EDA: variants seen among roughly 807,000 people sequenced by gnomAD.
The protein encoded by EDA is ectodysplasin A, also known as ectodysplasin-A.
A neutral mutation model predicts 23.6 loss-of-function variants in EDA; 2 were observed. That is an observed-to-expected ratio of 0.08 (90% CI 0.03 to 0.27). The LOEUF is 0.27. Among genes scored for constraint, EDA ranks in the 10% least tolerant of loss-of-function variants. EDA has a pLI of 1.00. For missense variants in EDA, 229 were observed against 324.2 expected (o/e 0.71, Z 2.26); for synonymous variants, 131 against 132.0 (o/e 0.99, Z 0.05).
intron 1 of EDA, among the ~76,000 whole-genome samples, chrX:69,675,304 C>T (rs185847956): frequency 3.7e-4 from 42 of 112,090 alleles, no homozygotes; most frequent in Non-Finnish European, 7.5e-4. Context: ...TAGTAACTCC[C>T]AAATTATTAT....
chrX:69,761,540 T>C (rs987749006), intron 1 of EDA, among the ~76,000 whole-genome samples: 4 of 112,053 alleles, frequency 3.6e-5, no homozygotes, highest in African/African-American at 1.3e-4. Context: ...TCCCCCACTG[T>C]ATTACACTGC....
intron 1 of EDA, among the ~76,000 whole-genome samples, chrX:69,638,944 C>G (rs1443537354): frequency 9.1e-6 from 1 of 109,712 alleles, no homozygotes; most frequent in Non-Finnish European, 1.9e-5. Flanking sequence ...CTCCCCTCCC[C>G]CCAGCCCCTA....
Position 69,663,349 on chromosome X carries a change from T to C in EDA, c.396+46645T>C, listed in dbSNP as rs1161171714. 3.6e-5 allele frequency among the ~76,000 whole-genome samples: 4 copies of C among 112,294 alleles called. No individual in the cohort carries two copies. The East Asian group carries it at 1.1e-3, about 32-fold the overall frequency. ...TGTCCTGTGTCCCAGCTGCTTCAGC[T>C]GTGGCTAAAAGGGGCCAAGGTACAA... On this transcript the variant is annotated intron_variant, in intron 1 of 7. Coordinates refer to ENST00000374552, the MANE Select transcript of EDA (RefSeq NM_001399.5).
At chrX:69,658,703 A>G (rs1381553498) in intron 1 of EDA, among the ~76,000 whole-genome samples, 1 of 111,470 alleles carries the variant, frequency 9.0e-6, no homozygotes, top group South Asian at 3.8e-4. Flanking sequence ...TTCTGATTCT[A>G]TCTCTCCCTC....
At position 70,036,132 on chromosome X, in the gene EDA, C is replaced by G. The variant is rs1021005862; in HGVS notation, c.*523C>G. On this transcript the variant is annotated 3_prime_UTR_variant, in exon 8 of 8. Coordinates refer to ENST00000374552, the MANE Select transcript of EDA (RefSeq NM_001399.5). ...TTTTGGCAGAGACCATAAGAGAAACCTGCCAAGGAGCATCCTTGGCAGTGG... is the reference window on the plus strand; with the variant it reads ...TTTTGGCAGAGACCATAAGAGAAACGTGCCAAGGAGCATCCTTGGCAGTGG... The G allele has an allele frequency of 8.2e-6, 1 of 121,512 alleles. No individual in the cohort carries two copies. The highest frequency in any genetic ancestry group is 1.7e-5 in the Non-Finnish European group (1 of 59,821). The allele number at this position is 121,512 out of a possible 1,213,427, so 10.0% of individuals were successfully genotyped here. A position where few individuals can be genotyped will look rare whatever the true frequency, so the allele number is the denominator to read the frequency against.
chrX:69,854,336 G>A lies in EDA; in HGVS notation c.397-102691G>A, dbSNP rs187374225. Among the ~76,000 whole-genome samples the A allele has an allele frequency of 3.7e-3, 414 of 110,982 alleles. 3 individuals are homozygous for A. The highest frequency in any genetic ancestry group is 5.5e-3 in the Non-Finnish European group (294 of 53,001). ...AGCCTCCCGTGTAGCTGCGATTATAGGCACCTGCCACCATGCCCAGCTAAT... is the reference window on the plus strand; with the variant it reads ...AGCCTCCCGTGTAGCTGCGATTATAAGCACCTGCCACCATGCCCAGCTAAT... On this transcript the variant is annotated intron_variant, in intron 1 of 7. Transcript: ENST00000374552.
chrX:69,679,177 TG>T (rs1421155604), intron 1 of EDA, among the ~76,000 whole-genome samples: 1 of 109,050 alleles, frequency 9.2e-6, no homozygotes, highest in African/African-American at 3.3e-5. Flanking sequence ...GAAGCCCACT[TG>T]ATCATGGTGG....
chrX:69,728,118 G>A (rs1281077701), intron 1 of EDA, among the ~76,000 whole-genome samples: 1 of 110,122 alleles, frequency 9.1e-6, no homozygotes, highest in Admixed American at 9.6e-5. Flanking sequence ...GGTGGCGCAT[G>A]CCTGTAGTCC....
intron 1 of EDA, among the ~76,000 whole-genome samples, chrX:69,618,936 G>T (rs1041552989): frequency 1.8e-5 from 2 of 111,864 alleles, no homozygotes; most frequent in African/African-American, 6.5e-5. Context: ...TAAAAAAGTT[G>T]ATTGGGTATT....
chrX:69,661,407 A>G (rs1387706629), intron 1 of EDA, among the ~76,000 whole-genome samples: 4 of 104,637 alleles, frequency 3.8e-5, no homozygotes, highest in Non-Finnish European at 7.8e-5. Context: ...TGTTTTAGAC[A>G]TGAAGTCCTT....
intron 1 of EDA, among the ~76,000 whole-genome samples, chrX:69,839,458 A>G (rs1369546898): frequency 8.9e-6 from 1 of 112,292 alleles, no homozygotes; most frequent in Non-Finnish European, 1.9e-5. Flanking sequence ...ATTGAGAGAA[A>G]GATGGTACAA....
chrX:69,883,278 T>C (rs1428704860), intron 1 of EDA, among the ~76,000 whole-genome samples: 1 of 111,753 alleles, frequency 8.9e-6, no homozygotes, highest in African/African-American at 3.3e-5. Context: ...TATTTCAGTT[T>C]TTCATTCCCA....
chrX:69,753,600 G>A (rs1392940858), intron 1 of EDA, among the ~76,000 whole-genome samples: 2 of 111,663 alleles, frequency 1.8e-5, no homozygotes, highest in Non-Finnish European at 3.8e-5. Context: ...GGTCTGCTTG[G>A]TGCAGAGCTG....
At chrX:69,811,661 T>G (rs1300701877) in intron 1 of EDA, among the ~76,000 whole-genome samples, 1 of 112,012 alleles carries the variant, frequency 8.9e-6, no homozygotes, top group African/African-American at 3.2e-5. Context: ...ACCCAAAATG[T>G]GGTTTGGATG....
At chrX:69,828,595 A>C (rs1446530735) in intron 1 of EDA, among the ~76,000 whole-genome samples, 2 of 111,644 alleles carry the variant, frequency 1.8e-5, no homozygotes, top group Admixed American at 9.5e-5. Flanking sequence ...ACCTGTGCCC[A>C]GTGTCTGGCA....
At chrX:69,993,552 G>A (rs936262480) in intron 2 of EDA, among the ~76,000 whole-genome samples, 4 of 112,200 alleles carry the variant, frequency 3.6e-5, no homozygotes, top group Non-Finnish European at 5.6e-5. Context: ...ACAGCAGGTT[G>A]GACAGAGCTT....
intron 1 of EDA, among the ~76,000 whole-genome samples, chrX:69,681,198 G>T (rs1249826491): frequency 9.0e-6 from 1 of 111,502 alleles, no homozygotes; most frequent in Non-Finnish European, 1.9e-5. Flanking sequence ...TCTGCTGTTA[G>T]TCTGATGGGC....
chrX:69,736,797 T>C (rs1426379632), intron 1 of EDA, among the ~76,000 whole-genome samples: 1 of 92,374 alleles, frequency 1.1e-5, no homozygotes, highest in East Asian at 3.6e-4. Flanking sequence ...TTTGAGACAG[T>C]GTCTCACTCT....
intron 3 of EDA, among the ~76,000 whole-genome samples, chrX:70,024,765 T>A (rs1569404125): frequency 8.9e-6 from 1 of 112,306 alleles, no homozygotes; most frequent in Non-Finnish European, 1.9e-5. Context: ...TCTCTCTCAC[T>A]CACTCATTCA....
Sources: gnomAD v4.1 joint callset for allele counts (sites outside exome capture counted in the v4.1 genomes callset) on GRCh38, gnomAD v4.1.1 for gene constraint, MANE v1.5 for transcripts, NCBI Gene and HGNC (gene_info 2026-07-23, HGNC 2026-07-21) for gene names.